GABRA2: variants seen among roughly 807,000 people sequenced by gnomAD.
GABRA2 encodes the protein gamma-aminobutyric acid type A receptor subunit alpha2.
Under a neutral mutation model 48.7 loss-of-function variants are expected in GABRA2, and 16 were observed. That is an observed-to-expected ratio of 0.33 (90% CI 0.22 to 0.50). The LOEUF is 0.50. GABRA2 is among the 20% of genes least tolerant of loss of function. GABRA2 has a pLI of 0.98. For synonymous variants in GABRA2, 185 were observed against 184.5 expected (o/e 1.00, Z -0.02); for missense variants, 275 against 535.6 (o/e 0.51, Z 4.80).
chr4:46,355,562 G>C (rs539835468), intron 3 of GABRA2, among the ~76,000 whole-genome samples: 1 of 152,196 alleles, frequency 6.6e-6, no homozygotes, highest in South Asian at 2.1e-4. Context: ...AAGAAAACTA[G>C]AGAAGAATTG....
intron 3 of GABRA2, among the ~76,000 whole-genome samples, chr4:46,385,609 G>A (rs1354467304): frequency 6.6e-6 from 1 of 152,008 alleles, no homozygotes; most frequent in African/African-American, 2.4e-5. Flanking sequence ...GTGTAAAGAA[G>A]TATCATCATA....
chr4:46,377,987 G>A (rs1275787609), intron 3 of GABRA2, among the ~76,000 whole-genome samples: 4 of 150,790 alleles, frequency 2.7e-5, no homozygotes, highest in African/African-American at 9.8e-5. Context: ...AGGGAGGTGG[G>A]GGGGTCAGCC....
At chr4:46,293,484 G>C (rs970102680) in intron 8 of GABRA2, among the ~76,000 whole-genome samples, 13 of 152,148 alleles carry the variant, frequency 8.5e-5, no homozygotes, top group Admixed American at 5.2e-4. Context: ...ACGTCACTGT[G>C]GTCCTCCAGA....
intron 3 of GABRA2, chr4:46,368,904 C>G: frequency 1.5e-6 from 1 of 654,952 alleles, no homozygotes. Flanking sequence ...ATGCTCCACT[C>G]ATTCCTTTAT....
At chr4:46,342,218 T>C (rs1733360903) in intron 3 of GABRA2, among the ~76,000 whole-genome samples, 2 of 152,084 alleles carry the variant, frequency 1.3e-5, no homozygotes, top group African/African-American at 4.8e-5. Flanking sequence ...TTCTTGTAAA[T>C]GCTCCTCAAA....
At chr4:46,277,143 C>G (rs1403132644) in intron 8 of GABRA2, among the ~76,000 whole-genome samples, 1 of 152,108 alleles carries the variant, frequency 6.6e-6, no homozygotes, top group Non-Finnish European at 1.5e-5. Flanking sequence ...AGTCAGGCCA[C>G]CTATATTCCT....
rs570892842 is a variant in GABRA2, at chr4:46,387,715, G to C, written c.71+921C>G. 2.6e-5 allele frequency among the ~76,000 whole-genome samples: 4 copies of C among 152,244 alleles called. No individual in the cohort carries two copies. The East Asian group carries it at 7.7e-4, about 29-fold the overall frequency. On this transcript the variant is annotated intron_variant, in intron 2 of 9. Transcript: ENST00000381620. Reference sequence around the variant, plus strand: ...AATGAAAGCAAGGCTTTATGAGATAGATGGCGTCTCAATTCTAAGAAATGT... The same window carrying C: ...AATGAAAGCAAGGCTTTATGAGATACATGGCGTCTCAATTCTAAGAAATGT...
intron 4 of GABRA2, among the ~76,000 whole-genome samples, chr4:46,314,132 T>G (rs1728152098): frequency 6.6e-6 from 1 of 152,100 alleles, no homozygotes. Flanking sequence ...AAACATTAAA[T>G]GGAACTCTAA....
chr4:46,389,400 G>A, intron 1 of GABRA2: 1 of 985,384 alleles, frequency 1.0e-6, no homozygotes, highest in Non-Finnish European at 1.2e-6. Flanking sequence ...CTGGAGCCGA[G>A]GATCACAATA....
At chr4:46,325,319 G>T (rs1730170958) in intron 4 of GABRA2, among the ~76,000 whole-genome samples, 1 of 151,896 alleles carries the variant, frequency 6.6e-6, no homozygotes, top group African/African-American at 2.4e-5. Context: ...GTTTTGATTT[G>T]CATTTCTCTA....
At chr4:46,275,028 T>C (rs1720212250) in intron 8 of GABRA2, among the ~76,000 whole-genome samples, 1 of 152,138 alleles carries the variant, frequency 6.6e-6, no homozygotes, top group African/African-American at 2.4e-5. Flanking sequence ...AGTTAATTCA[T>C]TTCCCACCTT....
chr4:46,246,977 G>T lies in GABRA2; in HGVS notation c.*3331C>A, dbSNP rs1007803741. Among the ~76,000 whole-genome samples, 1 of 150,742 alleles carries T rather than the reference G, an allele frequency of 6.6e-6. No individual in the cohort carries two copies. The highest frequency in any genetic ancestry group is 2.4e-5 in the African/African-American group (1 of 41,208). ...TGGCAGGGTTTGTGTCCCTCAACCAGGAATTCAAAAAGAGCCACATAAATG... is the reference window on the plus strand; with the variant it reads ...TGGCAGGGTTTGTGTCCCTCAACCATGAATTCAAAAAGAGCCACATAAATG... On this transcript the variant is annotated 3_prime_UTR_variant, in exon 10 of 10. Coordinates refer to ENST00000381620, the MANE Select transcript of GABRA2 (RefSeq NM_000807.4).
chr4:46,350,025 G>A (rs1469043525), intron 3 of GABRA2, among the ~76,000 whole-genome samples: 2 of 151,718 alleles, frequency 1.3e-5, no homozygotes, highest in African/African-American at 4.8e-5. Context: ...ACTGTATGCT[G>A]AACTAGATTA....
Position 46,244,779 on chromosome 4 carries a change from GA to G in GABRA2, c.*5528del, listed in dbSNP as rs1315564857. ...TGATCATTACTTGTGAACCAAAAAA[GA>G]AAACTGCAATATATTCCCAGAAACT... On this transcript the variant is annotated 3_prime_UTR_variant, in exon 10 of 10. Transcript: ENST00000381620. Among the ~76,000 whole-genome samples, 3 of 151,366 alleles carry G rather than the reference GA, an allele frequency of 2.0e-5. No individual in the cohort carries two copies. Among genetic ancestry groups the G allele is most frequent in the Non-Finnish European group, 4.4e-5 (3 of 67,526 alleles).
In GABRA2 at chr4:46,285,695, T is replaced by C. The variant is rs573301119; in HGVS notation, c.856+17765A>G. On this transcript the variant is annotated intron_variant, in intron 8 of 9. Coordinates refer to ENST00000381620, the MANE Select transcript of GABRA2 (RefSeq NM_000807.4). Reference sequence around the variant, plus strand: ...CTGGTCCTGTTTATTTCCTCTCTGTTTTTATTACTATATAACTATTCCCTG... The same window carrying C: ...CTGGTCCTGTTTATTTCCTCTCTGTCTTTATTACTATATAACTATTCCCTG... Among the ~76,000 whole-genome samples, 33 of 152,218 alleles carry C rather than the reference T, an allele frequency of 2.2e-4. No individual in the cohort carries two copies. In the Middle Eastern group the frequency reaches 0.014, roughly 63 times the overall value.
chr4:46,280,686 C>T (rs1721365397), intron 8 of GABRA2, among the ~76,000 whole-genome samples: 1 of 152,242 alleles, frequency 6.6e-6, no homozygotes, highest in Non-Finnish European at 1.5e-5. Context: ...ACTGTGTTAC[C>T]TCCAAATCCA....
chr4:46,313,567 TTCTCTCTCTC>T (rs3068364), intron 4 of GABRA2, among the ~76,000 whole-genome samples: 8 of 145,642 alleles, frequency 5.5e-5, no homozygotes, highest in Non-Finnish European at 1.0e-4. Flanking sequence ...GAAACTCTGT[TTCTCTCTCTC>T]TCTCTCTCTC....
rs1716546215 is a variant in GABRA2, at chr4:46,259,601, A to T, written c.1059+2325T>A. On this transcript the variant is annotated intron_variant, in intron 9 of 9. Coordinates refer to ENST00000381620, the MANE Select transcript of GABRA2 (RefSeq NM_000807.4). ...CTTAAAACATACAATATCAATATGG[A>T]GCTGAATCATTATTCTTATGGGGCA... is the stretch of plus-strand genomic sequence containing the variant. Among the ~76,000 whole-genome samples the T allele has an allele frequency of 5.3e-5, 8 of 151,940 alleles. No homozygotes were observed. In the South Asian group the frequency reaches 1.7e-3, roughly 31 times the overall value.
At chr4:46,334,590 CTAAGGA>C (rs1313181251) in intron 3 of GABRA2, among the ~76,000 whole-genome samples, 2 of 152,074 alleles carry the variant, frequency 1.3e-5, no homozygotes, top group East Asian at 3.9e-4. Context: ...TGTATTGATG[CTAAGGA>C]TATGAATGGC....
Sources: gnomAD v4.1 joint callset for allele counts (sites outside exome capture counted in the v4.1 genomes callset) on GRCh38, gnomAD v4.1.1 for gene constraint, MANE v1.5 for transcripts, NCBI Gene and HGNC (gene_info 2026-07-23, HGNC 2026-07-21) for gene names.